Variants in ECE1 observed in about 807,000 individuals in gnomAD.
The protein encoded by ECE1 is endothelin converting enzyme 1, also known as endothelin-converting enzyme 1.
In ECE1, 35 loss-of-function variants were observed where a neutral mutation model predicts 98.6. The observed-to-expected ratio is 0.35, with a 90% CI of 0.27 to 0.47. The LOEUF (loss-of-function observed/expected upper bound fraction) is 0.47. ECE1 is among the 20% of genes least tolerant of loss of function. ECE1 has a pLI of 1.00. For synonymous variants in ECE1, 394 were observed against 407.1 expected (o/e 0.97, Z 0.39); for missense variants, 814 against 1,025.3 (o/e 0.79, Z 2.81).
At chr1:21,314,847 T>C (rs1405991650) in intron 1 of ECE1, among the ~76,000 whole-genome samples, 2 of 152,230 alleles carry the variant, frequency 1.3e-5, no homozygotes, top group Non-Finnish European at 2.9e-5. Context: ...TGCTTATCCC[T>C]CTCAATACCA....
chr1:21,258,710 T>C lies in ECE1; in HGVS notation c.745A>G (p.Asn249Asp). The C allele has an allele frequency of 1.2e-6, 2 of 1,614,148 alleles. No homozygotes were observed. The change falls in exon 6 of 19, where the codon AAC (asparagine) becomes GAC (aspartate). Residue 249 changes from asparagine (N) to aspartate (D), a missense_variant. Physicochemically the swap from Asn to Asp is conservative, Grantham distance 23 (BLOSUM62 1). This residue lies in a region of ECE1 where 105 missense variants were observed against 179.1 expected (regional missense o/e 0.59). Transcript: ENST00000374893. The surrounding 1 kb of genome is among the most constrained non-coding windows in gnomAD (Gnocchi z 4.2). The stretch of plus-strand genomic sequence containing the variant: ...TAGCTCACCTGGATCACGTTGCTGT[T>C]GGAGTTCTTGGAATCGGCACTGACA... The part of the protein sequence containing the change: ...VYVSADSKNS[N>D]SNVIQVDQSG...
chr1:21,283,990 C>CT (rs1319803043), intron 2 of ECE1, among the ~76,000 whole-genome samples: 1 of 152,176 alleles, frequency 6.6e-6, no homozygotes. Context: ...GAGAAGTCAC[C>CT]TAGAGGTACT....
At chr1:21,226,386 A>G (rs1317945368) in intron 16 of ECE1, among the ~76,000 whole-genome samples, 5 of 152,172 alleles carry the variant, frequency 3.3e-5, no homozygotes, top group African/African-American at 2.4e-5. Context: ...CAGACAAGAC[A>G]TGGGGGCCTG....
intron 3 of ECE1, among the ~76,000 whole-genome samples, chr1:21,273,719 T>G (rs1302145189): frequency 6.6e-6 from 1 of 152,020 alleles, no homozygotes; most frequent in African/African-American, 2.4e-5. Context: ...TCCCAGCACT[T>G]TGGGAGGCCG....
rs565562479 is a variant in ECE1 at position 21,261,666 on chromosome 1, C to G, written c.494-1274G>C. On this transcript the variant is annotated intron_variant, in intron 4 of 18. Transcript: ENST00000374893. ...TAAAATTCAGAGCCCAGCCCTGTGC[C>G]TGGCACCCAGCAGAAACTCAAAGAA... is the stretch of plus-strand genomic sequence containing the variant. 7.7e-4 allele frequency among the ~76,000 whole-genome samples: 117 copies of G among 152,344 alleles called. 1 individual carries two copies. The highest frequency in any genetic ancestry group is 2.8e-3 in the African/African-American group (116 of 41,574).
intron 2 of ECE1, among the ~76,000 whole-genome samples, chr1:21,285,711 G>C (rs1308309530): frequency 1.4e-5 from 2 of 143,976 alleles, no homozygotes; most frequent in African/African-American, 5.2e-5. Flanking sequence ...AAAAAAAAAG[G>C]CTGGGCACAG....
At chr1:21,277,330 C>T (rs964509182) in intron 3 of ECE1, among the ~76,000 whole-genome samples, 3 of 152,256 alleles carry the variant, frequency 2.0e-5, no homozygotes, top group African/African-American at 7.2e-5. Context: ...CCCGTGGGGA[C>T]TCCCCCCTGG....
At position 21,290,315 on chromosome 1, in the gene ECE1, G is replaced by A; in HGVS notation, c.51+49C>T. The A allele has an allele frequency of 8.1e-7, 1 of 1,230,952 alleles. No homozygotes were observed. The highest frequency in any genetic ancestry group is 1.6e-5 in the African/African-American group (1 of 63,320). 76.3% of individuals were successfully genotyped at this position (1,230,952 alleles called of 1,614,324 possible). A position where few individuals can be genotyped will look rare whatever the true frequency, so the allele number is the denominator to read the frequency against. On this transcript the variant is annotated intron_variant, in intron 1 of 18. Coordinates refer to ENST00000374893, the MANE Select transcript of ECE1 (RefSeq NM_001397.3). The surrounding 1 kb of genome is among the most constrained non-coding windows in gnomAD (Gnocchi z 7.3). The stretch of plus-strand genomic sequence containing the variant: ...CCCACGGAGCGGCCCGCGCGGGGAG[G>A]GGTCCCGCCCGCCTCCCGCCCCCGC...
chr1:21,240,285 G>A (rs1324724603), intron 10 of ECE1, among the ~76,000 whole-genome samples: 36 of 151,638 alleles, frequency 2.4e-4, no homozygotes, highest in Non-Finnish European at 1.5e-5. Context: ...TCAGGAGTTC[G>A]AGACCACCCT....
At chr1:21,262,992 C>A (rs567888401) in intron 4 of ECE1, among the ~76,000 whole-genome samples, 17 of 152,184 alleles carry the variant, frequency 1.1e-4, no homozygotes, top group Non-Finnish European at 2.1e-4. Context: ...CAAGGACTCG[C>A]GGGAGCATCT....
chr1:21,279,318 G>T lies in ECE1; in HGVS notation c.153C>A (p.Ser51Arg), dbSNP rs2098251564. 6.2e-7 allele frequency: 1 copy of T among 1,614,072 alleles called. No homozygotes were observed. The highest frequency in any genetic ancestry group is 1.3e-5 in the African/African-American group (1 of 74,938). ...CCCAGCACCTCTGGCCACTCCGGGG[G>T]CTGTGGAAGTTCACCTGCAGGGAAG... ...YPNGLQVNFH[S>R]PRSGQRCWAA... is the part of the protein sequence containing the mutation. The change falls in exon 3 of 19, where the codon AGC (serine) becomes AGA (arginine). Residue 51 changes from serine to arginine, a missense_variant. Physicochemically the swap from Ser to Arg is moderately radical, Grantham distance 110. Transcript: ENST00000374893.
Position 21,257,559 on chromosome 1 carries a change from C to T in ECE1, c.794G>A (p.Arg265Lys). ...VDQSGLGLPS[R>K]DYYLNKTENE... The stretch of plus-strand genomic sequence containing the variant: ...TTCAGTTTTGTTCAGGTAATAGTCT[C>T]TCGAGGGCAAGCCCAGGCCAGACTG... The change falls in exon 7 of 19, where the codon AGA becomes AAA. Residue 265 changes from arginine to lysine, a missense_variant. Coordinates refer to ENST00000374893, the MANE Select transcript of ECE1 (RefSeq NM_001397.3). 1.2e-6 allele frequency: 2 copies of T among 1,614,252 alleles called. No individual in the cohort carries two copies. Among genetic ancestry groups the T allele is most frequent in the Non-Finnish European group, 1.7e-6 (2 of 1,180,050 alleles).
chr1:21,290,737 G>A (rs772199813), upstream of ECE1, among the ~76,000 whole-genome samples: 2 of 152,230 alleles, frequency 1.3e-5, no homozygotes, highest in African/African-American at 4.8e-5. The surrounding 1 kb of genome is among the most constrained non-coding windows in gnomAD (Gnocchi z 7.3). Context: ...AAAGTATCAG[G>A]AAGGTGCCCT....
At chr1:21,232,959 G>A (rs558648892) in intron 14 of ECE1, 211 of 153,366 alleles carry the variant, frequency 1.4e-3, no homozygotes, top group Non-Finnish European at 2.7e-3. Context: ...GATTACAGGC[G>A]TGAGCCACCA....
chr1:21,320,844 G>A (rs535905233), intron 1 of ECE1, among the ~76,000 whole-genome samples: 31 of 152,326 alleles, frequency 2.0e-4, no homozygotes, highest in Middle Eastern at 3.4e-3. Flanking sequence ...TGCCAGCAGC[G>A]TGGAGCTCGG....
chr1:21,321,561 T>C lies in ECE1; in HGVS notation c.3+23815A>G, dbSNP rs112271758. Among the ~76,000 whole-genome samples, 30 of 152,316 alleles carry C rather than the reference T, an allele frequency of 2.0e-4. 1 individual carries two copies. Among genetic ancestry groups the C allele is most frequent in the African/African-American group, 7.0e-4 (29 of 41,568 alleles). ...TGTGTTGGGCCAGGCACCAGGCTTG[T>C]CATGCACTTATTATCTTTCTCCATT... On this transcript the variant is annotated intron_variant, in intron 1 of 18. Transcript: ENST00000415912.
chr1:21,305,797 T>C (rs573740179), intron 1 of ECE1, among the ~76,000 whole-genome samples: 170 of 152,310 alleles, frequency 1.1e-3, no homozygotes, highest in Non-Finnish European at 1.1e-3. Flanking sequence ...CCATGCCTGG[T>C]GGCTGGAATC....
chr1:21,312,528 A>G (rs902004812), intron 1 of ECE1, among the ~76,000 whole-genome samples: 8 of 152,188 alleles, frequency 5.3e-5, no homozygotes, highest in African/African-American at 1.9e-4. Context: ...AGGCAGGAGG[A>G]TCGCTTGAGC....
intron 10 of ECE1, among the ~76,000 whole-genome samples, chr1:21,238,574 C>A (rs1311918109): frequency 1.3e-5 from 2 of 152,210 alleles, no homozygotes; most frequent in Non-Finnish European, 2.9e-5. Context: ...CCAGGGTGCC[C>A]CACGAGTGAC....
Sources: gnomAD v4.1 joint callset for allele counts (sites outside exome capture counted in the v4.1 genomes callset) on GRCh38, gnomAD v4.1.1 for gene constraint, gnomAD v4.1.1 regional missense constraint, Gnocchi (gnomAD v3.1) non-coding constraint, MANE v1.5 for transcripts, NCBI Gene and HGNC (gene_info 2026-07-23, HGNC 2026-07-21) for gene names.